Variants in COTL1 observed in about 807,000 individuals in gnomAD.
The protein encoded by COTL1 is coactosin like F-actin binding protein 1.
Under a neutral mutation model 16.5 loss-of-function variants are expected in COTL1, and 15 were observed. The ratio of observed to expected loss-of-function variants is 0.91; its 90% CI spans 0.61 to 1.40. COTL1 has a LOEUF of 1.40. Among genes scored for constraint, COTL1 ranks in the 40% most tolerant of loss-of-function variants. The pLI is 0.00. For missense variants in COTL1, 220 were observed against 201.5 expected (o/e 1.09, Z -0.56); for synonymous variants, 112 against 85.3 (o/e 1.31, Z -1.73).
intron 3 of COTL1, among the ~76,000 whole-genome samples, chr16:84,584,970 C>T (rs1419657391): frequency 6.6e-6 from 1 of 152,152 alleles, no homozygotes; most frequent in African/African-American, 2.4e-5. Flanking sequence ...CTACACCTTC[C>T]CCCTTGGCAA....
chr16:84,615,180 C>A (rs558185425), intron 2 of COTL1, among the ~76,000 whole-genome samples: 1 of 152,364 alleles, frequency 6.6e-6, no homozygotes, highest in Admixed American at 6.5e-5. Flanking sequence ...AACCATAATT[C>A]TCCTATGCAT....
At chr16:84,609,508 G>A (rs1284690435) in intron 2 of COTL1, among the ~76,000 whole-genome samples, 2 of 152,166 alleles carry the variant, frequency 1.3e-5, no homozygotes, top group Admixed American at 1.3e-4. Context: ...GTGGTTAGTC[G>A]GACTCTCCTG....
chr16:84,567,172 A>C (rs1904302555), intron 3 of COTL1: 1 of 514,620 alleles, frequency 1.9e-6, no homozygotes, highest in Non-Finnish European at 3.6e-6. Context: ...GACTGGGAGG[A>C]GGGAGTGGGG....
chr16:84,606,878 C>T (rs1260975111), intron 2 of COTL1, among the ~76,000 whole-genome samples: 1 of 152,170 alleles, frequency 6.6e-6, no homozygotes, highest in Non-Finnish European at 1.5e-5. Context: ...CGCCTACAGC[C>T]CATAAGAAGT....
chr16:84,598,657 A>ACCCCC (rs139413763), intron 2 of COTL1, among the ~76,000 whole-genome samples: 14 of 137,952 alleles, frequency 1.0e-4, no homozygotes, highest in Non-Finnish European at 1.3e-4. Flanking sequence ...CTCCCCCCCA[A>ACCCCC]CCCCCCCCAC....
chr16:84,574,684 A>G (rs1735404155), intron 3 of COTL1, among the ~76,000 whole-genome samples: 1 of 152,108 alleles, frequency 6.6e-6, no homozygotes, highest in Non-Finnish European at 1.5e-5. Flanking sequence ...CCCGGGTTCA[A>G]GTGATTCTCC....
At chr16:84,585,334 G>A (rs559522365) in intron 3 of COTL1, among the ~76,000 whole-genome samples, 70 of 137,700 alleles carry the variant, frequency 5.1e-4, no homozygotes, top group African/African-American at 1.8e-3. Context: ...CAGACTGGGT[G>A]ACAGAGTGAG....
At chr16:84,580,268 T>G (rs185148051) in intron 3 of COTL1, among the ~76,000 whole-genome samples, 25 of 152,338 alleles carry the variant, frequency 1.6e-4, no homozygotes, top group African/African-American at 5.1e-4. Context: ...GACTTGTTTT[T>G]GAGACAAGGT....
Position 84,610,050 on chromosome 16 carries a change from C to T in COTL1, c.160+7451G>A, listed in dbSNP as rs145181706. Among the ~76,000 whole-genome samples, 977 of 152,324 alleles carry T rather than the reference C, an allele frequency of 6.4e-3. 13 individuals are homozygous for T. The highest frequency in any genetic ancestry group is 0.022 in the African/African-American group (909 of 41,554). On this transcript the variant is annotated intron_variant, in intron 2 of 3. Coordinates refer to ENST00000262428, the MANE Select transcript of COTL1 (RefSeq NM_021149.5). ...GAACACAAGAAGTCCACACTTACCA[C>T]ATGACAGCCCCTCAAACATCTGAAG... is the stretch of plus-strand genomic sequence containing the variant.
intron 2 of COTL1, chr16:84,594,931 T>G (rs1304310809): frequency 6.5e-6 from 1 of 152,852 alleles, no homozygotes; most frequent in African/African-American, 2.4e-5. Context: ...GGCTGCCAAG[T>G]GCCTCCACAT....
intron 3 of COTL1, among the ~76,000 whole-genome samples, chr16:84,570,445 G>T (rs76253876): frequency 0.052 from 7,748 of 147,938 alleles, 308 homozygotes; most frequent in Non-Finnish European, 0.075. Context: ...AAATGTAAAT[G>T]AACAAAATTA....
chr16:84,616,919 C>G (rs892630718), intron 2 of COTL1, among the ~76,000 whole-genome samples: 1 of 152,188 alleles, frequency 6.6e-6, no homozygotes, highest in African/African-American at 2.4e-5. Context: ...GGCTATCTAG[C>G]CCCAAAAGCT....
At chr16:84,615,798 T>G (rs1308441861) in intron 2 of COTL1, among the ~76,000 whole-genome samples, 4 of 151,986 alleles carry the variant, frequency 2.6e-5, no homozygotes, top group Non-Finnish European at 5.9e-5. Context: ...GGCCAACTGT[T>G]TACAAAAGCA....
chr16:84,599,028 C>T (rs1905062467), intron 2 of COTL1, among the ~76,000 whole-genome samples: 2 of 152,084 alleles, frequency 1.3e-5, no homozygotes, highest in Non-Finnish European at 2.9e-5. Context: ...TAATAACTCC[C>T]CAAAAGTTAC....
chr16:84,579,838 A>G (rs1904539776), intron 3 of COTL1, among the ~76,000 whole-genome samples: 1 of 152,222 alleles, frequency 6.6e-6, no homozygotes, highest in African/African-American at 2.4e-5. Flanking sequence ...GAGGAAAGAC[A>G]CTCATACACA....
In COTL1 at chr16:84,566,901, T is replaced by C. The variant is rs377452050; in HGVS notation, c.373A>G (p.Ile125Val). ...SDRKELEEDF[I>V]KSELKKAGGA... ...CCCGCCTTCTTCAGCTCGCTCTTGA[T>C]GAAATCTTCCTCCAGCTCCTTCCGA... Residue 125 changes from isoleucine to valine, a missense_variant, in exon 4 of 4, where the codon ATC becomes GTC. Coordinates refer to ENST00000262428, the MANE Select transcript of COTL1 (RefSeq NM_021149.5). 4 of 1,614,018 alleles carry C rather than the reference T, an allele frequency of 2.5e-6. No homozygotes were observed. In the African/African-American group the frequency reaches 5.3e-5, roughly 22 times the overall value.
intron 3 of COTL1, chr16:84,576,880 CT>C (rs1484044858): frequency 6.6e-6 from 1 of 152,284 alleles, no homozygotes; most frequent in Non-Finnish European, 1.5e-5. Flanking sequence ...AGAATCTCCC[CT>C]CCCGCAGGCA....
At chr16:84,616,638 C>A (rs746662887) in intron 2 of COTL1, among the ~76,000 whole-genome samples, 1 of 152,174 alleles carries the variant, frequency 6.6e-6, no homozygotes, top group African/African-American at 2.4e-5. Context: ...GGGAGGGAGT[C>A]GCATTCTCCA....
chr16:84,587,675 G>T (rs536315268), intron 3 of COTL1, among the ~76,000 whole-genome samples: 2 of 152,128 alleles, frequency 1.3e-5, no homozygotes, highest in African/African-American at 4.8e-5. Context: ...CAGCAAAGCC[G>T]AAAGGCAGGA....
Sources: gnomAD v4.1 joint callset for allele counts (sites outside exome capture counted in the v4.1 genomes callset) on GRCh38, gnomAD v4.1.1 for gene constraint, MANE v1.5 for transcripts, NCBI Gene and HGNC (gene_info 2026-07-23, HGNC 2026-07-21) for gene names.